The following DLG1 variants were observed in gnomAD, a reference collection of about 807,000 sequenced individuals.
DLG1 encodes discs large MAGUK scaffold protein 1.
Under a neutral mutation model 123.4 loss-of-function variants are expected in DLG1, and 42 were observed. The ratio of observed to expected loss-of-function variants is 0.34; its 90% CI spans 0.27 to 0.44. The LOEUF (loss-of-function observed/expected upper bound fraction) is 0.44, where lower values mean the gene tolerates loss of function less well. Among genes scored for constraint, DLG1 ranks in the 20% least tolerant of loss-of-function variants. The pLI is 1.00. For missense variants in DLG1, 942 were observed against 1,082.6 expected (o/e 0.87, Z 1.82); for synonymous variants, 317 against 356.2 (o/e 0.89, Z 1.24).
intron 14 of DLG1, among the ~76,000 whole-genome samples, chr3:197,094,932 C>T (rs946551905): frequency 6.6e-6 from 1 of 152,002 alleles, no homozygotes; most frequent in African/African-American, 2.4e-5. Context: ...AAATCCTAAT[C>T]ATTTTATTAT....
At chr3:197,247,466 T>C (rs1436913022) in intron 4 of DLG1, among the ~76,000 whole-genome samples, 1 of 152,026 alleles carries the variant, frequency 6.6e-6, no homozygotes, top group Admixed American at 6.6e-5. Flanking sequence ...GCTTGCCCCC[T>C]ATACCTTTAG....
At chr3:197,046,974 A>G (rs1578046851) in intron 24 of DLG1, among the ~76,000 whole-genome samples, 1 of 152,316 alleles carries the variant, frequency 6.6e-6, no homozygotes, top group Non-Finnish European at 1.5e-5. Context: ...AATGTCAGTC[A>G]GGGTCATGAA....
intron 5 of DLG1, among the ~76,000 whole-genome samples, chr3:197,162,292 AAC>A (rs10531174): frequency 0.12 from 18,815 of 152,200 alleles, 1,226 homozygotes; most frequent in Middle Eastern, 0.15. Context: ...AAAATGAAAA[AAC>A]AACGTAGAGA....
At chr3:197,188,797 T>C (rs1717583896) in intron 5 of DLG1, among the ~76,000 whole-genome samples, 1 of 152,204 alleles carries the variant, frequency 6.6e-6, no homozygotes, top group Admixed American at 6.5e-5. Context: ...GAGCTTCTTA[T>C]AACATTCTGG....
chr3:197,152,473 G>A (rs939744835), intron 5 of DLG1, among the ~76,000 whole-genome samples: 3 of 141,400 alleles, frequency 2.1e-5, no homozygotes, highest in Non-Finnish European at 4.6e-5. Flanking sequence ...CCCAGGGTAG[G>A]ACTTTTTAAA....
At chr3:197,090,257 A>ATACAGTAAAATGT (rs548684202) in intron 15 of DLG1, among the ~76,000 whole-genome samples, 50 of 152,122 alleles carry the variant, frequency 3.3e-4, no homozygotes, top group Admixed American at 1.3e-3. Context: ...AAGTATACAG[A>ATACAGTAAAATGT]ATACAAATAC....
At chr3:197,132,353 T>C (rs1363833813) in intron 10 of DLG1, among the ~76,000 whole-genome samples, 1 of 152,196 alleles carries the variant, frequency 6.6e-6, no homozygotes, top group African/African-American at 2.4e-5. Flanking sequence ...TTACCATGTA[T>C]TAACAATATT....
At chr3:197,149,035 T>C (rs1363572680) in intron 6 of DLG1, among the ~76,000 whole-genome samples, 2 of 152,234 alleles carry the variant, frequency 1.3e-5, no homozygotes, top group African/African-American at 4.8e-5. Flanking sequence ...TCTACTTTTT[T>C]ACCTTAACAA....
intron 24 of DLG1, among the ~76,000 whole-genome samples, chr3:197,051,186 C>G (rs1560316294): frequency 6.6e-6 from 1 of 152,112 alleles, no homozygotes; most frequent in Non-Finnish European, 1.5e-5. Flanking sequence ...CCAGCCTGAC[C>G]AACACGGCGA....
At chr3:197,073,152 C>A (rs1278655125) in intron 18 of DLG1, among the ~76,000 whole-genome samples, 2 of 152,202 alleles carry the variant, frequency 1.3e-5, no homozygotes, top group South Asian at 4.1e-4. Context: ...ACTACTCTTA[C>A]ATCTTATTCG....
chr3:197,170,966 T>C (rs1197524559), intron 5 of DLG1, among the ~76,000 whole-genome samples: 1 of 152,212 alleles, frequency 6.6e-6, no homozygotes, highest in Non-Finnish European at 1.5e-5. Context: ...AATCTTTTGG[T>C]ACCAATATCT....
chr3:197,114,341 C>G (rs1277963461), intron 13 of DLG1, among the ~76,000 whole-genome samples: 1 of 152,138 alleles, frequency 6.6e-6, no homozygotes, highest in Non-Finnish European at 1.5e-5. Context: ...AAGCATCTTA[C>G]AAGCAGCCAG....
At chr3:197,196,615 G>T (rs1722648456) in intron 4 of DLG1, among the ~76,000 whole-genome samples, 2 of 152,128 alleles carry the variant, frequency 1.3e-5, no homozygotes. Flanking sequence ...ACTACAGTTT[G>T]GAATTTTAAA....
chr3:197,135,050 AT>A (rs1346405006), intron 10 of DLG1, among the ~76,000 whole-genome samples: 1 of 152,238 alleles, frequency 6.6e-6, no homozygotes. Flanking sequence ...AAGCTACCTT[AT>A]AAAATTACAG....
Position 197,068,638 on chromosome 3 carries a change from C to G in DLG1, c.2047+581G>C. ...ATGTACCCTCCCCTTCTCCCATGCC[C>G]AAGTCTGTTTTAAAACATCACATGC... On this transcript the variant is annotated intron_variant, in intron 19 of 24. Transcript: ENST00000667157. 3 of 720,478 alleles carry G rather than the reference C, an allele frequency of 4.2e-6. No individual in the cohort carries two copies. In the South Asian group the frequency reaches 4.9e-5, roughly 12 times the overall value. 44.6% of individuals were successfully genotyped at this position (720,478 alleles called of 1,614,324 possible). A position where few individuals can be genotyped will look rare whatever the true frequency, so the allele number is the denominator to read the frequency against.
chr3:197,163,355 T>C (rs1167600708), intron 5 of DLG1, among the ~76,000 whole-genome samples: 1 of 152,074 alleles, frequency 6.6e-6, no homozygotes, highest in Non-Finnish European at 1.5e-5. Flanking sequence ...GGTAGGTAAA[T>C]ATGCACTGGG....
chr3:197,256,022 A>G (rs1756692177), intron 4 of DLG1, among the ~76,000 whole-genome samples: 2 of 152,240 alleles, frequency 1.3e-5, no homozygotes, highest in South Asian at 4.1e-4. Flanking sequence ...TTTGGGAATT[A>G]TTAGATGATG....
chr3:197,153,894 A>G (rs1795126107), intron 5 of DLG1, among the ~76,000 whole-genome samples: 1 of 152,210 alleles, frequency 6.6e-6, no homozygotes, highest in Admixed American at 6.5e-5. Context: ...ACCCTGGAGA[A>G]GAAGGAGAAT....
chr3:197,234,723 C>T (rs909524898), intron 4 of DLG1, among the ~76,000 whole-genome samples: 1 of 152,014 alleles, frequency 6.6e-6, no homozygotes, highest in Non-Finnish European at 1.5e-5. Context: ...TATATATAAT[C>T]ACAGAAAAAT....
Sources: allele counts gnomAD v4.1 joint callset (sites outside exome capture counted in the v4.1 genomes callset), GRCh38; gene constraint gnomAD v4.1.1; transcripts MANE v1.5; gene names NCBI Gene and HGNC (gene_info 2026-07-23, HGNC 2026-07-21).